The following MAX variants were observed in gnomAD, a reference collection of about 807,000 sequenced individuals.
The protein encoded by MAX is MYC associated transcriptional regulator X, also known as protein max.
MAX carries 3 observed loss-of-function variants against 22.3 expected under a neutral mutation model. The ratio of observed to expected loss-of-function variants is 0.13; its 90% CI spans 0.06 to 0.35. The LOEUF (loss-of-function observed/expected upper bound fraction) is 0.35. Ranked by LOEUF, MAX falls within the 10% of genes least tolerant of loss-of-function variation. MAX has a pLI of 1.00. For missense variants in MAX, 119 were observed against 209.4 expected (o/e 0.57, Z 2.66); for synonymous variants, 72 against 77.7 (o/e 0.93, Z 0.39).
Position 65,009,477 on chromosome 14 carries a change from C to G in MAX, c.172-3193G>C, listed in dbSNP as rs1319121776. Among the ~76,000 whole-genome samples, 4 of 152,168 alleles carry G rather than the reference C, an allele frequency of 2.6e-5. No homozygotes were observed. Among genetic ancestry groups the G allele is most frequent in the Admixed American group, 1.3e-4 (2 of 15,276 alleles). On this transcript the variant is annotated intron_variant, in intron 3 of 3. Coordinates refer to the MAX transcript ENST00000341653. The surrounding 1 kb of genome is among the most constrained non-coding windows in gnomAD (Gnocchi z 4.2). Reference sequence around the variant, plus strand: ...TCCTGAGAAAATCGAGGCTGACCCACCTGACTTTCCTGTTTCCTTCTTCCC... The same window carrying G: ...TCCTGAGAAAATCGAGGCTGACCCAGCTGACTTTCCTGTTTCCTTCTTCCC...
intron 3 of MAX, among the ~76,000 whole-genome samples, chr14:65,052,350 G>T (rs563074086): frequency 6.6e-6 from 1 of 152,282 alleles, no homozygotes; most frequent in South Asian, 2.1e-4. Flanking sequence ...TTAGCTTTCA[G>T]GTGCCATTTA....
At position 65,054,020 on chromosome 14, in the gene MAX, T is replaced by C. The variant is rs2139676889; in HGVS notation, c.171+39688A>G. On this transcript the variant is annotated intron_variant, in intron 3 of 3. Coordinates refer to the MAX transcript ENST00000341653. This position sits in a 1 kb window ranked among gnomAD's most constrained non-coding sequence, Gnocchi z 4.4. Reference sequence around the variant, plus strand: ...GGAGAGACTGACTTTAAAATTACAGTTTCCTTTAATAGTTTAAGGTAAAAA... The same window carrying C: ...GGAGAGACTGACTTTAAAATTACAGCTTCCTTTAATAGTTTAAGGTAAAAA... Among the ~76,000 whole-genome samples, 1 of 152,314 alleles carries C rather than the reference T, an allele frequency of 6.6e-6. No individual in the cohort carries two copies. The highest frequency in any genetic ancestry group is 3.4e-3 in the Middle Eastern group (1 of 294).
intron 3 of MAX, among the ~76,000 whole-genome samples, chr14:65,060,834 A>G (rs954284463): frequency 4.2e-5 from 6 of 142,502 alleles, no homozygotes; most frequent in Admixed American, 1.5e-4. Context: ...GATCGTGTCA[A>G]TGCACTCCAG....
chr14:65,041,829 C>A (rs2062360719), intron 3 of MAX, among the ~76,000 whole-genome samples: 1 of 152,138 alleles, frequency 6.6e-6, no homozygotes, highest in Non-Finnish European at 1.5e-5. Context: ...GTTTTAAAAT[C>A]TGAACACCAA....
intron 2 of MAX, chr14:65,094,352 C>T (rs181597943): frequency 5.7e-6 from 1 of 174,264 alleles, no homozygotes; most frequent in East Asian, 1.4e-4. Flanking sequence ...CCAAATCATA[C>T]AACAGAAGCT....
downstream of MAX, among the ~76,000 whole-genome samples, chr14:65,074,838 C>A (rs946830053): frequency 3.9e-5 from 6 of 152,236 alleles, no homozygotes; most frequent in Non-Finnish European, 7.3e-5. Flanking sequence ...CCAAAGGTCA[C>A]TTGCTTAGCA....
chr14:65,015,893 T>A (rs1289300985), intron 3 of MAX, among the ~76,000 whole-genome samples: 2 of 152,212 alleles, frequency 1.3e-5, no homozygotes, highest in South Asian at 4.1e-4. Context: ...AGAAAACTAA[T>A]GTAAGCTGGT....
Position 65,078,198 on chromosome 14 carries a change from TA to T in MAX, c.172-163del, listed in dbSNP as rs1487353390. ...ATGGCTACTGTAGGCTTTATTTATT[TA>T]TTTATTTTTTTATTTTTTTGAGACA... On this transcript the variant is annotated intron_variant, in intron 3 of 4. Transcript: ENST00000358664. The surrounding 1 kb of genome is among the most constrained non-coding windows in gnomAD (Gnocchi z 6.4). 2.0e-5 allele frequency among the ~76,000 whole-genome samples: 3 copies of T among 151,698 alleles called. No individual in the cohort carries two copies. The East Asian group carries it at 6.0e-4, about 30-fold the overall frequency.
At chr14:65,006,411 A>G in intron 3 of MAX, 1 of 1,413,344 alleles carries the variant, frequency 7.1e-7, no homozygotes. Flanking sequence ...TTGTCATGAG[A>G]TACAGCTAGA....
downstream of MAX, among the ~76,000 whole-genome samples, chr14:65,072,765 C>T (rs2063002525): frequency 6.6e-6 from 1 of 152,200 alleles, no homozygotes; most frequent in Admixed American, 6.5e-5. Context: ...GCCACTGAAT[C>T]GTGGTGGGAG....
At chr14:65,016,763 C>G (rs1030979295) in intron 3 of MAX, among the ~76,000 whole-genome samples, 8 of 152,086 alleles carry the variant, frequency 5.3e-5, no homozygotes, top group Middle Eastern at 3.2e-3. Flanking sequence ...GGCCATTAAC[C>G]CTTGTGGTAC....
At position 65,078,082 on chromosome 14, in the gene MAX, A is replaced by G. The variant is rs1357002776; in HGVS notation, c.172-46T>C. 4.3e-6 allele frequency: 7 copies of G among 1,613,778 alleles called. No homozygotes were observed. The highest frequency in any genetic ancestry group is 1.6e-4 in the Middle Eastern group (1 of 6,062). ...GCACAGGGGACAAAATAAAAACCCAATCCAGGCAGTGAGGGAACCTGGCCT... is the reference window on the plus strand; with the variant it reads ...GCACAGGGGACAAAATAAAAACCCAGTCCAGGCAGTGAGGGAACCTGGCCT... On this transcript the variant is annotated intron_variant, in intron 3 of 4. Coordinates refer to ENST00000358664, the MANE Select transcript of MAX (RefSeq NM_002382.5). The surrounding 1 kb of genome is among the most constrained non-coding windows in gnomAD (Gnocchi z 6.4).
rs749243788 is a variant in MAX, at chr14:65,043,828, C to CAAAAAAAAA, written c.172-37553_172-37545dup. On this transcript the variant is annotated intron_variant, in intron 3 of 3. Coordinates refer to the MAX transcript ENST00000341653. ...TGGGCGACAGAGCGAGACTCCGTCT[C>CAAAAAAAAA]AAAAAAAAAAAAAAAAAAAAAAAAA... 6.5e-4 allele frequency among the ~76,000 whole-genome samples: 42 copies of CAAAAAAAAA among 64,238 alleles called. 1 individual carries two copies. Among genetic ancestry groups the CAAAAAAAAA allele is most frequent in the African/African-American group, 1.9e-3 (33 of 17,464 alleles). 42.1% of individuals were successfully genotyped at this position (64,238 alleles called of 152,430 possible).
chr14:65,006,156 CTT>C (rs367570902), downstream of MAX: 25,036 of 1,411,522 alleles, frequency 0.018, no homozygotes, highest in South Asian at 0.029. Flanking sequence ...ACCTTTGTGT[CTT>C]TTTTTTTTTT....
chr14:65,085,030 C>A (rs917442363), intron 3 of MAX, among the ~76,000 whole-genome samples: 1 of 152,110 alleles, frequency 6.6e-6, no homozygotes, highest in African/African-American at 2.4e-5. Flanking sequence ...TAGTCACTAG[C>A]CACATGTGGC....
At chr14:65,042,853 T>C (rs1490637793) in intron 3 of MAX, among the ~76,000 whole-genome samples, 1 of 152,210 alleles carries the variant, frequency 6.6e-6, no homozygotes, top group Admixed American at 6.5e-5. Context: ...CTTAGCCCAC[T>C]TCCATTACAT....
At chr14:65,053,023 C>T in intron 3 of MAX, 1 of 335,178 alleles carries the variant, frequency 3.0e-6, no homozygotes, top group Non-Finnish European at 5.4e-6. Context: ...GTGAAAGTGC[C>T]ACTTTGAATT....
At chr14:65,058,283 T>A (rs2062787217) in intron 3 of MAX, among the ~76,000 whole-genome samples, 1 of 151,966 alleles carries the variant, frequency 6.6e-6, no homozygotes, top group Admixed American at 6.5e-5. Flanking sequence ...TAGAGTTATG[T>A]CTAATTTACA....
intron 3 of MAX, among the ~76,000 whole-genome samples, chr14:65,008,411 C>G (rs1595006952): frequency 6.6e-6 from 1 of 152,210 alleles, no homozygotes; most frequent in African/African-American, 2.4e-5. Flanking sequence ...TCAGGGAAGC[C>G]AGAGTGAGCA....
Sources: allele counts gnomAD v4.1 joint callset (sites outside exome capture counted in the v4.1 genomes callset), GRCh38; gene constraint gnomAD v4.1.1; non-coding constraint Gnocchi (gnomAD v3.1); transcripts MANE v1.5; gene names NCBI Gene and HGNC (gene_info 2026-07-23, HGNC 2026-07-21).